VAT1L: variants seen among roughly 807,000 people sequenced by gnomAD.
VAT1L encodes vesicle amine transport 1 like.
VAT1L carries 34 observed loss-of-function variants against 44.1 expected under a neutral mutation model. The ratio of observed to expected loss-of-function variants is 0.77; its 90% confidence interval spans 0.59 to 1.03. The LOEUF (loss-of-function observed/expected upper bound fraction) is 1.03. Ranked by LOEUF, VAT1L falls within the 50% of genes least tolerant of loss-of-function variation. The pLI is 0.00. For missense variants in VAT1L, 615 were observed against 538.8 expected (o/e 1.14, Z -1.40); for synonymous variants, 253 against 202.2 (o/e 1.25, Z -2.13).
At chr16:77,842,490 T>A (rs1771009077) in intron 3 of VAT1L, among the ~76,000 whole-genome samples, 1 of 152,186 alleles carries the variant, frequency 6.6e-6, no homozygotes, top group Non-Finnish European at 1.5e-5. Flanking sequence ...AAAAAATGAT[T>A]AATTCCTGTG....
At chr16:77,832,491 AT>A (rs1191317653) in intron 3 of VAT1L, among the ~76,000 whole-genome samples, 1 of 152,194 alleles carries the variant, frequency 6.6e-6, no homozygotes, top group Non-Finnish European at 1.5e-5. Flanking sequence ...TGGAAGAAGC[AT>A]TCCTGGATCT....
intron 3 of VAT1L, among the ~76,000 whole-genome samples, chr16:77,839,205 G>A (rs1043258381): frequency 2.6e-5 from 4 of 152,038 alleles, no homozygotes; most frequent in African/African-American, 9.7e-5. Flanking sequence ...GAGAGGTGAA[G>A]GGAATGAAGG....
intron 7 of VAT1L, among the ~76,000 whole-genome samples, chr16:77,961,251 C>A (rs571233686): frequency 6.6e-6 from 1 of 152,040 alleles, no homozygotes; most frequent in African/African-American, 2.4e-5. Flanking sequence ...CAGGCTGTCA[C>A]CAAGGGGGCT....
intron 7 of VAT1L, among the ~76,000 whole-genome samples, chr16:77,961,365 C>G (rs2018158332): frequency 6.6e-6 from 1 of 152,166 alleles, no homozygotes; most frequent in Non-Finnish European, 1.5e-5. Flanking sequence ...TCCAGTCTTT[C>G]TCCTTCCTCC....
chr16:77,844,253 T>G (rs1253751969), intron 3 of VAT1L, among the ~76,000 whole-genome samples: 3 of 152,166 alleles, frequency 2.0e-5, no homozygotes, highest in African/African-American at 7.2e-5. Context: ...GGTACAGACT[T>G]TTTCCTTGTG....
At chr16:77,823,481 A>G (rs984102166) in intron 2 of VAT1L, among the ~76,000 whole-genome samples, 11 of 152,214 alleles carry the variant, frequency 7.2e-5, no homozygotes, top group Non-Finnish European at 1.5e-4. Context: ...GGGGCTTCAT[A>G]TGCAAACATG....
At chr16:77,940,087 G>T (rs866964261) in intron 7 of VAT1L, among the ~76,000 whole-genome samples, 2 of 152,140 alleles carry the variant, frequency 1.3e-5, no homozygotes, top group Non-Finnish European at 2.9e-5. Context: ...TAAGACTATG[G>T]TTTAAAGAGT....
At chr16:77,885,866 G>A (rs973018743) in intron 7 of VAT1L, among the ~76,000 whole-genome samples, 15 of 152,112 alleles carry the variant, frequency 9.9e-5, no homozygotes, top group Non-Finnish European at 2.1e-4. Flanking sequence ...CTCTTTGGGG[G>A]TCACTGTATA....
intron 2 of VAT1L, 97 bp from the exon 3 acceptor site, chr16:77,825,149 G>C: frequency 1.5e-6 from 2 of 1,347,570 alleles, no homozygotes; most frequent in East Asian, 2.3e-5. Context: ...TTATACGCAT[G>C]AGCCACAGCG....
chr16:77,845,758 C>A (rs1418448505), intron 3 of VAT1L, among the ~76,000 whole-genome samples: 3 of 152,196 alleles, frequency 2.0e-5, no homozygotes, highest in Admixed American at 6.5e-5. Context: ...CTCTGCCTGG[C>A]AAGTTTCTAT....
At chr16:77,912,798 G>A (rs976915876) in intron 7 of VAT1L, among the ~76,000 whole-genome samples, 2 of 152,072 alleles carry the variant, frequency 1.3e-5, no homozygotes, top group East Asian at 1.9e-4. Flanking sequence ...CTGGAGGCTC[G>A]CAAGTTCAAG....
chr16:77,884,040 T>C lies in VAT1L; in HGVS notation c.883-568T>C, dbSNP rs2017182524. 1.3e-5 allele frequency among the ~76,000 whole-genome samples: 2 copies of C among 152,166 alleles called. No homozygotes were observed. Among genetic ancestry groups the C allele is most frequent in the Admixed American group, 6.5e-5 (1 of 15,280 alleles). The stretch of plus-strand genomic sequence containing the variant: ...CTGATGATCCTGACCATGTACTTAA[T>C]ATTTCAACTACATGTGGCCATGTAG... On this transcript the variant is annotated intron_variant, in intron 6 of 8. Transcript: ENST00000302536. This position sits in a 1 kb window ranked among gnomAD's most constrained non-coding sequence, Gnocchi z 4.5.
At chr16:77,818,597 T>C (rs1030931419) in intron 2 of VAT1L, among the ~76,000 whole-genome samples, 2 of 152,200 alleles carry the variant, frequency 1.3e-5, no homozygotes, top group Admixed American at 6.5e-5. Context: ...TTTTAGAATA[T>C]AACAGGAAAC....
chr16:77,794,635 G>C (rs1464854984), intron 1 of VAT1L, among the ~76,000 whole-genome samples: 1 of 152,200 alleles, frequency 6.6e-6, no homozygotes, highest in Non-Finnish European at 1.5e-5. Flanking sequence ...AAATAAACAA[G>C]TGGCATCCAT....
At chr16:77,860,379 C>A (rs1015049906) in intron 3 of VAT1L, among the ~76,000 whole-genome samples, 3 of 152,152 alleles carry the variant, frequency 2.0e-5, no homozygotes, top group Admixed American at 6.5e-5. Flanking sequence ...ACGATAGAGA[C>A]CCAAGTCCAG....
intron 2 of VAT1L, 118 bp downstream of exon 2, chr16:77,817,168 T>C (rs1178050575): frequency 2.8e-6 from 4 of 1,418,208 alleles, no homozygotes; most frequent in Non-Finnish European, 3.8e-6. Context: ...ATCATTGTCT[T>C]CTTATTTGGA....
chr16:77,910,624 A>C (rs1027227670), intron 7 of VAT1L, among the ~76,000 whole-genome samples: 1 of 146,272 alleles, frequency 6.8e-6, no homozygotes, highest in Non-Finnish European at 1.5e-5. Context: ...CATTGAGCCG[A>C]GATCGCTCCA....
At chr16:77,914,830 G>C (rs550210740) in intron 7 of VAT1L, among the ~76,000 whole-genome samples, 1 of 152,294 alleles carries the variant, frequency 6.6e-6, no homozygotes, top group East Asian at 1.9e-4. Flanking sequence ...GATTGATTGG[G>C]TAAAGAGTTG....
Position 77,797,373 on chromosome 16 carries a change from A to G in VAT1L, c.233+8458A>G, listed in dbSNP as rs149324290. 1.1e-3 allele frequency among the ~76,000 whole-genome samples: 166 copies of G among 152,234 alleles called. 2 individuals carry two copies. The highest frequency in any genetic ancestry group is 9.9e-4 in the Non-Finnish European group (67 of 68,018). On this transcript the variant is annotated intron_variant, in intron 1 of 8. Transcript: ENST00000302536. ...TGATCCGCCTGCCTCAGCCTCCCAA[A>G]GTGCTGGGATTACAGGCGTGAGCCA...
Sources: gnomAD v4.1 joint callset for allele counts (sites outside exome capture counted in the v4.1 genomes callset) on GRCh38, gnomAD v4.1.1 for gene constraint, Gnocchi (gnomAD v3.1) non-coding constraint, MANE v1.5 for transcripts, NCBI Gene and HGNC (gene_info 2026-07-23, HGNC 2026-07-21) for gene names.